Variants in USP34 observed in about 807,000 individuals in gnomAD.
The protein encoded by USP34 is ubiquitin carboxyl-terminal hydrolase 34.
In USP34, 70 loss-of-function variants were observed where a neutral mutation model predicts 460.3. That is an observed-to-expected ratio of 0.15 (90% CI 0.13 to 0.19). The LOEUF (loss-of-function observed/expected upper bound fraction) is 0.19. USP34 is among the 10% of genes least tolerant of loss of function. The probability of loss-of-function intolerance (pLI) is 1.00; values close to 1 mark genes in which losing one functional copy is unlikely to be tolerated. For synonymous variants in USP34, 1,647 were observed against 1,405.3 expected (o/e 1.17, Z -3.85); for missense variants, 3,985 against 4,236.2 (o/e 0.94, Z 1.65).
At chr2:61,393,718 A>G (rs1693425654) in intron 5 of USP34, among the ~76,000 whole-genome samples, 1 of 152,200 alleles carries the variant, frequency 6.6e-6, no homozygotes, top group African/African-American at 2.4e-5. Context: ...TAATTAAGGT[A>G]ATTCCATTAC....
At chr2:61,345,347 A>G (rs950706863) in intron 15 of USP34, among the ~76,000 whole-genome samples, 3 of 152,214 alleles carry the variant, frequency 2.0e-5, no homozygotes, top group Non-Finnish European at 1.5e-5. Flanking sequence ...TCTCAGATGC[A>G]TCAGTGCTAA....
In USP34 at chr2:61,267,235, A is replaced by G. The variant is rs187702194; in HGVS notation, c.5434-1068T>C. 1.4e-3 allele frequency among the ~76,000 whole-genome samples: 207 copies of G among 152,238 alleles called. 4 individuals carry two copies. The highest frequency in any genetic ancestry group is 0.013 in the Admixed American group (203 of 15,288). On this transcript the variant is annotated intron_variant, in intron 41 of 79. Transcript: ENST00000398571. ...GTAATAAATCTTAGCCATGAGTATA[A>G]CTATATGCTGAGTCCTGTGAGTTAG...
intron 3 of USP34, among the ~76,000 whole-genome samples, chr2:61,399,204 T>C (rs187146523): frequency 6.6e-6 from 1 of 152,050 alleles, no homozygotes; most frequent in Non-Finnish European, 1.5e-5. Flanking sequence ...CTGGGTGTCG[T>C]GACGCATGCC....
Position 61,332,223 on chromosome 2 carries a change from T to C in USP34, c.2835-852A>G, listed in dbSNP as rs141451465. Among the ~76,000 whole-genome samples the C allele has an allele frequency of 7.0e-3, 1,063 of 152,150 alleles. 12 individuals carry two copies. The highest frequency in any genetic ancestry group is 0.024 in the African/African-American group (1,004 of 41,548). The stretch of plus-strand genomic sequence containing the variant: ...AGGGTAAGTTTCCAATTTTAAACTA[T>C]GGGCCATTAGAACGAGTTTAAGAGA... On this transcript the variant is annotated intron_variant, in intron 19 of 79. Coordinates refer to ENST00000398571, the MANE Select transcript of USP34 (RefSeq NM_014709.4).
At chr2:61,229,378 T>C (rs144066402) in intron 59 of USP34, among the ~76,000 whole-genome samples, 170 bp downstream of exon 59, 129 of 150,014 alleles carry the variant, frequency 8.6e-4, no homozygotes, top group African/African-American at 2.8e-3. Flanking sequence ...TCCTAGCAAT[T>C]TGGGAGGCCG....
chr2:61,191,263 A>T (rs1481836381), intron 76 of USP34: 1 of 152,340 alleles, frequency 6.6e-6, no homozygotes, highest in Non-Finnish European at 1.5e-5. Context: ...TCCTGTTTTC[A>T]AATAGTCATG....
chr2:61,462,896 G>A (rs1261625665), intron 1 of USP34, among the ~76,000 whole-genome samples: 1 of 150,094 alleles, frequency 6.7e-6, no homozygotes, highest in Admixed American at 6.7e-5. Context: ...AGGTGTGCTG[G>A]TATACACACC....
chr2:61,391,519 T>C (rs527649883), intron 5 of USP34, among the ~76,000 whole-genome samples: 1 of 152,326 alleles, frequency 6.6e-6, no homozygotes, highest in East Asian at 1.9e-4. Flanking sequence ...TTCTTTTCTT[T>C]ACAAACGGCT....
At chr2:61,304,930 A>G (rs1208237734) in intron 27 of USP34, among the ~76,000 whole-genome samples, 1 of 152,214 alleles carries the variant, frequency 6.6e-6, no homozygotes, top group Admixed American at 6.5e-5. Context: ...ATAGCATTTC[A>G]AGACAAAATG....
intron 20 of USP34, 85 bp downstream of exon 20, chr2:61,331,191 G>A: frequency 8.6e-7 from 1 of 1,169,280 alleles, no homozygotes. Context: ...CTTATTATAT[G>A]AAAAAAAGTT....
intron 65 of USP34, 98 bp downstream of exon 65, chr2:61,222,521 C>A: frequency 1.1e-6 from 1 of 897,722 alleles, no homozygotes; most frequent in South Asian, 1.6e-5. Context: ...TGGGAGAAAC[C>A]CTGATAAATT....
At chr2:61,356,431 A>T (rs1350910718) in intron 10 of USP34, among the ~76,000 whole-genome samples, 1 of 152,046 alleles carries the variant, frequency 6.6e-6, no homozygotes, top group Non-Finnish European at 1.5e-5. Context: ...TCAAGGTTGC[A>T]GTGAGCCATA....
rs1689585001 is a variant in USP34, at chr2:61,283,139, T to A, written c.4998+6A>T. ...TAACAGTACTAACCTTCAATCTTTA[T>A]CTTACCTCAGGAATAAGGAGAGTCA... On this transcript the variant is annotated splice_donor_region_variant and intron_variant, in intron 37 of 79. Transcript: ENST00000398571. The A allele has an allele frequency of 6.2e-7, 1 of 1,612,554 alleles. No individual in the cohort carries two copies. Among genetic ancestry groups the A allele is most frequent in the Non-Finnish European group, 8.5e-7 (1 of 1,179,294 alleles).
chr2:61,228,125 CA>C (rs1241058589), intron 61 of USP34, among the ~76,000 whole-genome samples: 1 of 152,162 alleles, frequency 6.6e-6, no homozygotes, highest in Non-Finnish European at 1.5e-5. Context: ...CTCTAAGTTT[CA>C]ATTGTCTCAT....
chr2:61,215,344 AAGAATG>A (rs1305929499), intron 67 of USP34, among the ~76,000 whole-genome samples: 2 of 152,218 alleles, frequency 1.3e-5, no homozygotes, highest in Non-Finnish European at 2.9e-5. Flanking sequence ...GTTATAAAGA[AAGAATG>A]AGATATACAT....
At chr2:61,404,170 C>T (rs528950841) in intron 3 of USP34, among the ~76,000 whole-genome samples, 2 of 151,502 alleles carry the variant, frequency 1.3e-5, no homozygotes, top group African/African-American at 2.4e-5. Flanking sequence ...AGTCTCCATT[C>T]GACATGAAAA....
intron 69 of USP34, among the ~76,000 whole-genome samples, chr2:61,210,830 C>T (rs1424887618): frequency 2.0e-5 from 3 of 152,060 alleles, no homozygotes; most frequent in Non-Finnish European, 4.4e-5. Flanking sequence ...CCCACCTCAG[C>T]CCCCCGAGGA....
chr2:61,263,640 C>A (rs1688962687), intron 43 of USP34, among the ~76,000 whole-genome samples: 3 of 152,022 alleles, frequency 2.0e-5, no homozygotes, highest in Non-Finnish European at 4.4e-5. Context: ...CACCACCATA[C>A]CCAGCTATTT....
chr2:61,195,753 G>C (rs1686782076), intron 75 of USP34, among the ~76,000 whole-genome samples: 1 of 152,068 alleles, frequency 6.6e-6, no homozygotes, highest in South Asian at 2.1e-4. Context: ...AAAATATATA[G>C]TGTCCCCTCT....
Sources: allele counts gnomAD v4.1 joint callset (sites outside exome capture counted in the v4.1 genomes callset), GRCh38; gene constraint gnomAD v4.1.1; transcripts MANE v1.5; gene names NCBI Gene and HGNC (gene_info 2026-07-23, HGNC 2026-07-21).